ACOXL: variants seen among roughly 807,000 people sequenced by gnomAD.
The protein encoded by ACOXL is acyl-coenzyme A oxidase-like protein.
In ACOXL, 70 loss-of-function variants were observed where a neutral mutation model predicts 71.9. That is an observed-to-expected ratio of 0.97 (90% CI 0.80 to 1.19). The LOEUF (loss-of-function observed/expected upper bound fraction) is 1.19, where lower values mean the gene tolerates loss of function less well. ACOXL is among the 50% of genes most tolerant of loss of function. The pLI, the probability that ACOXL is intolerant of heterozygous loss-of-function variation, is 0.00. For synonymous variants in ACOXL, 253 were observed against 281.6 expected (o/e 0.90, Z 1.02); for missense variants, 703 against 736.3 (o/e 0.95, Z 0.52).
chr2:111,009,378 G>A (rs868431731), intron 14 of ACOXL, among the ~76,000 whole-genome samples: 13 of 152,114 alleles, frequency 8.5e-5, no homozygotes, highest in Middle Eastern at 3.4e-3. Flanking sequence ...GCCTGGCTTG[G>A]TGGTGTGTGC....
chr2:110,795,073 A>G lies in ACOXL; in HGVS notation c.345+899A>G, dbSNP rs534881333. Among the ~76,000 whole-genome samples the G allele has an allele frequency of 8.5e-5, 13 of 152,350 alleles. No individual in the cohort carries two copies. The East Asian group carries it at 2.5e-3, about 29-fold the overall frequency. On this transcript the variant is annotated intron_variant, in intron 5 of 17. Coordinates refer to ENST00000439055, the MANE Select transcript of ACOXL (RefSeq NM_001142807.4). ...ACAAATGTTGAGGTACTTTCTAGAA[A>G]TGAAGCTATGTCAGTCAGTGTGTGC...
chr2:111,083,530 A>T (rs757761060), intron 16 of ACOXL, among the ~76,000 whole-genome samples: 2 of 152,070 alleles, frequency 1.3e-5, no homozygotes, highest in Non-Finnish European at 2.9e-5. Flanking sequence ...GGTGGCAACC[A>T]GATCACCCAA....
At chr2:111,011,518 G>C (rs1471300524) in intron 14 of ACOXL, among the ~76,000 whole-genome samples, 2 of 152,168 alleles carry the variant, frequency 1.3e-5, no homozygotes, top group Non-Finnish European at 2.9e-5. Flanking sequence ...GACAGGAAAA[G>C]ATATAGCATG....
At chr2:110,942,822 C>T (rs1202524238) in intron 12 of ACOXL, among the ~76,000 whole-genome samples, 11 of 148,136 alleles carry the variant, frequency 7.4e-5, no homozygotes, top group Admixed American at 1.4e-4. Flanking sequence ...AGGTGGAGGT[C>T]GCAGTGAGCC....
At chr2:110,830,943 A>G (rs563170643) in intron 9 of ACOXL, among the ~76,000 whole-genome samples, 5 of 152,342 alleles carry the variant, frequency 3.3e-5, no homozygotes, top group East Asian at 1.9e-4. Context: ...ACCAATTCAT[A>G]ATTAAAACTC....
chr2:111,033,430 C>T (rs760625994), intron 15 of ACOXL, among the ~76,000 whole-genome samples: 2 of 152,164 alleles, frequency 1.3e-5, no homozygotes, highest in African/African-American at 2.4e-5. Context: ...ATCTGTTCTA[C>T]GAGCATATCT....
At chr2:111,076,350 C>G (rs1451465535) in intron 16 of ACOXL, among the ~76,000 whole-genome samples, 1 of 152,080 alleles carries the variant, frequency 6.6e-6, no homozygotes, top group Non-Finnish European at 1.5e-5. Flanking sequence ...GTAATTCCCT[C>G]TTTATTCCTG....
At chr2:111,096,069 A>G (rs957747228) in intron 17 of ACOXL, among the ~76,000 whole-genome samples, 1 of 152,218 alleles carries the variant, frequency 6.6e-6, no homozygotes. Context: ...AGAAGATTAG[A>G]GGAGGCTGGG....
At chr2:110,784,077 T>G (rs1339728366) in intron 2 of ACOXL, among the ~76,000 whole-genome samples, 1 of 152,194 alleles carries the variant, frequency 6.6e-6, no homozygotes, top group Non-Finnish European at 1.5e-5. Flanking sequence ...ATACTGCTTT[T>G]CCTGTGTCCA....
At chr2:111,011,972 CA>C (rs1421764370) in intron 14 of ACOXL, among the ~76,000 whole-genome samples, 12 of 144,350 alleles carry the variant, frequency 8.3e-5, no homozygotes, top group Admixed American at 2.1e-4. Flanking sequence ...ATCAAGAAGA[CA>C]AAATAATTCT....
Position 110,970,562 on chromosome 2 carries a change from A to T in ACOXL, c.1060-16546A>T, listed in dbSNP as rs1461030650. Among the ~76,000 whole-genome samples the T allele has an allele frequency of 3.9e-5, 6 of 152,350 alleles. No individual in the cohort carries two copies. In the South Asian group the frequency reaches 1.2e-3, roughly 32 times the overall value. ...TGGAACATTGAATGCTTTTCCCCCA[A>T]GATTAGGAAAAAGGCAAGAATGTCC... On this transcript the variant is annotated intron_variant, in intron 12 of 17. Coordinates refer to ENST00000439055, the MANE Select transcript of ACOXL (RefSeq NM_001142807.4).
intron 2 of ACOXL, among the ~76,000 whole-genome samples, chr2:110,769,497 A>T (rs1418510760): frequency 6.6e-6 from 1 of 151,310 alleles, no homozygotes; most frequent in Non-Finnish European, 1.5e-5. Flanking sequence ...AAAAAAAAAA[A>T]TACAAAACTG....
chr2:110,775,969 A>G (rs1223798710), intron 2 of ACOXL, among the ~76,000 whole-genome samples: 1 of 152,272 alleles, frequency 6.6e-6, no homozygotes, highest in African/African-American at 2.4e-5. Context: ...CCATGTTAAC[A>G]GTGGCATTAT....
At chr2:110,881,966 A>G (rs1264302931) in intron 10 of ACOXL, among the ~76,000 whole-genome samples, 7 of 151,992 alleles carry the variant, frequency 4.6e-5, no homozygotes, top group South Asian at 4.1e-4. Context: ...TTAGGGACAT[A>G]TGCTATCTTT....
intron 17 of ACOXL, among the ~76,000 whole-genome samples, chr2:111,115,105 T>C (rs1411627935): frequency 6.6e-6 from 1 of 152,246 alleles, no homozygotes; most frequent in Non-Finnish European, 1.5e-5. Flanking sequence ...AAAGTATACC[T>C]ATTCATTTGT....
chr2:110,838,875 G>C (rs961431982), intron 9 of ACOXL, among the ~76,000 whole-genome samples: 9 of 152,354 alleles, frequency 5.9e-5, no homozygotes, highest in Admixed American at 2.0e-4. Flanking sequence ...TGCCCTTGCA[G>C]GTCCTGTTCA....
intron 10 of ACOXL, among the ~76,000 whole-genome samples, chr2:110,876,962 G>A: frequency 6.6e-6 from 1 of 152,180 alleles, no homozygotes; most frequent in East Asian, 1.9e-4. Flanking sequence ...AGCCTGGTAG[G>A]CCGGAGCTTA....
chr2:111,033,269 A>G lies in ACOXL; in HGVS notation c.1369+1555A>G, dbSNP rs992791140. 7.2e-5 allele frequency among the ~76,000 whole-genome samples: 11 copies of G among 152,328 alleles called. 2 individuals are homozygous for G. The South Asian group carries it at 8.3e-4, about 11-fold the overall frequency. On this transcript the variant is annotated intron_variant, in intron 15 of 17. Coordinates refer to ENST00000439055, the MANE Select transcript of ACOXL (RefSeq NM_001142807.4). The stretch of plus-strand genomic sequence containing the variant: ...TTGGGTCCCGTCATTTGCAGACTCA[A>G]CATTTTTAATGTATTGCCCACCCAC...
chr2:110,819,510 A>G (rs1397031689), intron 9 of ACOXL, among the ~76,000 whole-genome samples: 3 of 152,148 alleles, frequency 2.0e-5, no homozygotes, highest in South Asian at 4.1e-4. Context: ...GACAAAGCCT[A>G]CATTTAAAGG....
Sources: gnomAD v4.1 joint callset for allele counts (sites outside exome capture counted in the v4.1 genomes callset) on GRCh38, gnomAD v4.1.1 for gene constraint, MANE v1.5 for transcripts, NCBI Gene and HGNC (gene_info 2026-07-23, HGNC 2026-07-21) for gene names.